The following AK3 variants were observed in gnomAD, a reference collection of about 807,000 sequenced individuals.
AK3 encodes the protein adenylate kinase 3.
AK3 carries 27 observed loss-of-function variants against 23.7 expected under a neutral mutation model. The observed-to-expected ratio is 1.14, with a 90% CI of 0.84 to 1.57. AK3 has a LOEUF of 1.57. Among genes scored for constraint, AK3 ranks in the 40% most tolerant of loss-of-function variants. The pLI is 0.00. For missense variants in AK3, 406 were observed against 285.6 expected (o/e 1.42, Z -3.04); for synonymous variants, 159 against 116.0 (o/e 1.37, Z -2.38).
chr9:4,735,320 T>C (rs1326808106), intron 1 of AK3, among the ~76,000 whole-genome samples: 2 of 110,372 alleles, frequency 1.8e-5, no homozygotes, highest in African/African-American at 7.1e-5. Flanking sequence ...TAAATATATA[T>C]ATACATATAT....
At chr9:4,738,907 G>A (rs1351539913) in intron 1 of AK3, among the ~76,000 whole-genome samples, 1 of 151,764 alleles carries the variant, frequency 6.6e-6, no homozygotes, top group Admixed American at 6.6e-5. Flanking sequence ...GAGAAGCTGG[G>A]ACCACAGGCG....
intron 1 of AK3, among the ~76,000 whole-genome samples, chr9:4,729,059 G>A (rs1169902278): frequency 7.1e-6 from 1 of 141,320 alleles, no homozygotes; most frequent in African/African-American, 2.6e-5. Context: ...TGCCCAGGCT[G>A]GAGTGCAATG....
Sources: allele counts gnomAD v4.1 joint callset (sites outside exome capture counted in the v4.1 genomes callset), GRCh38; gene constraint gnomAD v4.1.1; transcripts MANE v1.5; gene names NCBI Gene and HGNC (gene_info 2026-07-23, HGNC 2026-07-21).